The following SERHL2 variants were observed in gnomAD, a reference collection of about 807,000 sequenced individuals.
SERHL2 encodes the protein serine hydrolase like 2.
SERHL2 carries 29 observed loss-of-function variants against 25.5 expected under a neutral mutation model. That is an observed-to-expected ratio of 1.14 (90% CI 0.85 to 1.55). The LOEUF (loss-of-function observed/expected upper bound fraction) is 1.55. SERHL2 is among the 40% of genes most tolerant of loss of function. The probability of loss-of-function intolerance (pLI) is 0.00; values close to 1 mark genes in which losing one functional copy is unlikely to be tolerated. For synonymous variants in SERHL2, 95 were observed against 103.5 expected (o/e 0.92, Z 0.50); for missense variants, 240 against 252.3 (o/e 0.95, Z 0.33).
At chr22:42,554,547 G>T (rs1367882436) in intron 1 of SERHL2, among the ~76,000 whole-genome samples, 2 of 152,168 alleles carry the variant, frequency 1.3e-5, no homozygotes, top group Admixed American at 6.5e-5. Context: ...GAAACGGGCT[G>T]TTTCTTTACT....
chr22:42,570,067 C>G (rs1923954749), intron 9 of SERHL2: 1 of 152,128 alleles, frequency 6.6e-6, no homozygotes, highest in Admixed American at 6.6e-5. Flanking sequence ...CAGATCAGAG[C>G]AGCACAGTGC....
At chr22:42,566,210 T>C in intron 8 of SERHL2, 94 bp from the exon 9 acceptor site, 2 of 1,282,252 alleles carry the variant, frequency 1.6e-6, no homozygotes, top group South Asian at 2.4e-5. Context: ...GGGCCCTGGC[T>C]GCAAAGGCCT....
intron 11 of SERHL2, chr22:42,573,144 C>T (rs1188113490): frequency 1.3e-5 from 2 of 151,868 alleles, no homozygotes; most frequent in East Asian, 1.9e-4. Context: ...ACCCTGGGGC[C>T]TCTGCAGGTT....
intron 8 of SERHL2, among the ~76,000 whole-genome samples, chr22:42,561,594 C>T (rs937708998): frequency 2.6e-5 from 4 of 151,502 alleles, no homozygotes; most frequent in Admixed American, 6.6e-5. Context: ...GCAGCTGGGC[C>T]GGTGCTAATC....
In SERHL2 at chr22:42,572,454, T is replaced by C. The variant is rs376090703; in HGVS notation, c.750T>C (p.Phe250=). The stretch of plus-strand genomic sequence containing the variant: ...TTTCCAGAGCAGTCCACGGATATTT[T>C]GATTCAAGACAGAATTACTCTGAGA... ...VLLIKAVHGY[F]DSRQNYSEKE... The change falls in exon 11 of 12, where the codon TTT becomes TTC. Residue 250 remains phenylalanine (F), a synonymous_variant. Transcript: ENST00000327678. 82 of 1,611,044 alleles carry C rather than the reference T, an allele frequency of 5.1e-5. 1 individual carries two copies. Among genetic ancestry groups the C allele is most frequent in the Non-Finnish European group, 6.7e-5 (79 of 1,177,690 alleles).
In SERHL2 at chr22:42,553,988, G is replaced by A. The variant is rs774420192; in HGVS notation, c.-33G>A. On this transcript the variant is annotated 5_prime_UTR_variant, in exon 1 of 12. Transcript: ENST00000327678. ...TCCTGCGACCTAGCCAGGCGTGAGG[G>A]AGTGACAGCAGCGCATTCGCGGGAC... 4 of 1,612,972 alleles carry A rather than the reference G, an allele frequency of 2.5e-6. No homozygotes were observed. In the African/African-American group the frequency reaches 5.3e-5, roughly 22 times the overall value.
intron 9 of SERHL2, chr22:42,569,714 AT>A (rs971906873): frequency 2.0e-5 from 3 of 151,818 alleles, no homozygotes; most frequent in Non-Finnish European, 4.4e-5. Flanking sequence ...TGGGAACAGT[AT>A]GGGAACCCCT....
intron 8 of SERHL2, among the ~76,000 whole-genome samples, chr22:42,563,789 C>A (rs1404614926): frequency 6.6e-6 from 1 of 151,904 alleles, no homozygotes; most frequent in African/African-American, 2.4e-5. Context: ...ATACAGATTT[C>A]TAGACCAGGC....
intron 8 of SERHL2, 126 bp downstream of exon 8, chr22:42,560,391 T>C (rs1601834311): frequency 1.4e-6 from 1 of 703,454 alleles, no homozygotes. Context: ...TGAATCCCCC[T>C]CCTGCCTCAC....
intron 10 of SERHL2, chr22:42,571,623 G>C (rs893778174): frequency 1.9e-5 from 5 of 258,618 alleles, no homozygotes; most frequent in Non-Finnish European, 3.2e-5. Flanking sequence ...ACGAGGTTTC[G>C]CCATGTTGGC....
At chr22:42,561,746 T>TCGGGTCGCCA (rs1601836720) in intron 8 of SERHL2, among the ~76,000 whole-genome samples, 1 of 151,956 alleles carries the variant, frequency 6.6e-6, no homozygotes, top group East Asian at 1.9e-4. Flanking sequence ...ACCTGTGGGC[T>TCGGGTCGCCA]GTTTTGGCCT....
At chr22:42,567,707 G>A (rs917748326) in intron 9 of SERHL2, among the ~76,000 whole-genome samples, 4 of 148,426 alleles carry the variant, frequency 2.7e-5, no homozygotes, top group African/African-American at 7.4e-5. Context: ...ATAAAAGTTC[G>A]ATTTTTCTTT....
At position 42,564,720 on chromosome 22, in the gene SERHL2, C is replaced by T. The variant is rs150506855; in HGVS notation, c.614-1584C>T. On this transcript the variant is annotated intron_variant, in intron 8 of 11. Coordinates refer to ENST00000327678, the MANE Select transcript of SERHL2 (RefSeq NM_014509.5). ...TATTGGGATTTCAGGTGTGAGCCAC[C>T]GCACCCGGCCTGAGGATTTTCGCAT... Among the ~76,000 whole-genome samples the T allele has an allele frequency of 3.4e-3, 520 of 152,050 alleles. 6 individuals carry two copies. The highest frequency in any genetic ancestry group is 0.012 in the African/African-American group (478 of 41,552).
At chr22:42,559,994 T>A (rs1367772347) in intron 7 of SERHL2, among the ~76,000 whole-genome samples, 192 bp from the exon 8 acceptor site, 1 of 151,888 alleles carries the variant, frequency 6.6e-6, no homozygotes, top group Non-Finnish European at 1.5e-5. Context: ...GTATTTTTAG[T>A]AGAGATGAGG....
intron 8 of SERHL2, among the ~76,000 whole-genome samples, chr22:42,562,169 G>C (rs116633173): frequency 0.01 from 1,539 of 151,828 alleles, 24 homozygotes; most frequent in African/African-American, 0.036. Flanking sequence ...CCTAAAAGAA[G>C]ACAGTACCCA....
At chr22:42,572,617 C>T (rs1428578575) in intron 11 of SERHL2, 88 bp downstream of exon 11, 6 of 1,534,474 alleles carry the variant, frequency 3.9e-6, no homozygotes, top group Admixed American at 1.9e-5. Context: ...ACTGGGAAGA[C>T]CCTGGGTCTG....
At chr22:42,561,094 A>G (rs1601835575) in intron 8 of SERHL2, among the ~76,000 whole-genome samples, 2 of 152,098 alleles carry the variant, frequency 1.3e-5, no homozygotes, top group Admixed American at 1.3e-4. Context: ...GAAGAGAAGC[A>G]GATGATACAC....
intron 10 of SERHL2, among the ~76,000 whole-genome samples, chr22:42,572,126 A>G (rs187696126): frequency 1.4e-3 from 212 of 152,220 alleles, no homozygotes; most frequent in African/African-American, 4.8e-3. Context: ...CAGAGCAAGT[A>G]TGGGCTCCAG....
At chr22:42,560,650 G>A (rs1444329154) in intron 8 of SERHL2, among the ~76,000 whole-genome samples, 1 of 151,956 alleles carries the variant, frequency 6.6e-6, no homozygotes, top group Non-Finnish European at 1.5e-5. Context: ...ACAATGGAGA[G>A]GTGGAGCTGG....
Sources: allele counts gnomAD v4.1 joint callset (sites outside exome capture counted in the v4.1 genomes callset), GRCh38; gene constraint gnomAD v4.1.1; transcripts MANE v1.5; gene names NCBI Gene and HGNC (gene_info 2026-07-23, HGNC 2026-07-21).